Variants in LSP1 observed in about 807,000 individuals in gnomAD.
The protein encoded by LSP1 is lymphocyte-specific protein 1.
In LSP1, 32 loss-of-function variants were observed where a neutral mutation model predicts 49.3. That is an observed-to-expected ratio of 0.65 (90% CI 0.49 to 0.87). The LOEUF (loss-of-function observed/expected upper bound fraction) is 0.87. Among genes scored for constraint, LSP1 ranks in the 40% least tolerant of loss-of-function variants. The probability of loss-of-function intolerance (pLI) is 0.00; values close to 1 mark genes in which losing one functional copy is unlikely to be tolerated. For missense variants in LSP1, 428 were observed against 442.6 expected (o/e 0.97, Z 0.30); for synonymous variants, 179 against 178.8 (o/e 1.00, Z -0.01).
chr11:1,887,575 C>T lies in LSP1; in HGVS notation c.*12C>T, dbSNP rs778169854. On this transcript the variant is annotated splice_region_variant and 3_prime_UTR_variant, in exon 10 of 11. Coordinates refer to ENST00000311604, the MANE Select transcript of LSP1 (RefSeq NM_002339.3). ...GCCCGGCTCCCTAGGCGTCCCATCTCGGTGAGTCCCTGGCAACTCACAGAA... is the reference window on the plus strand; with the variant it reads ...GCCCGGCTCCCTAGGCGTCCCATCTTGGTGAGTCCCTGGCAACTCACAGAA... 2.0e-5 allele frequency: 33 copies of T among 1,612,110 alleles called. No individual in the cohort carries two copies. The highest frequency in any genetic ancestry group is 1.9e-4 in the South Asian group (17 of 91,030).
Position 1,864,179 on chromosome 11 carries a change from G to A in LSP1, c.53+10982G>A, listed in dbSNP as rs1222577708. The A allele has an allele frequency of 2.4e-5, 24 of 986,654 alleles. No homozygotes were observed. In the African/African-American group the frequency reaches 3.0e-4, roughly 12 times the overall value. The allele number at this position is 986,654 out of a possible 1,614,324, so 61.1% of individuals were successfully genotyped here. ...GAGAGAGGGGCTGAGTGCGAGACGG[G>A]GAAGGAGGGGACGGGACAAAGAGGA... On this transcript the variant is annotated intron_variant, in intron 1 of 10. Transcript: ENST00000311604.
chr11:1,863,195 A>G (rs1847687198), intron 1 of LSP1: 1 of 151,974 alleles, frequency 6.6e-6, no homozygotes, highest in Non-Finnish European at 1.5e-5. Context: ...TGTTGCCGCC[A>G]CCCCCGGCGT....
chr11:1,879,767 C>G (rs1848459924), intron 1 of LSP1, among the ~76,000 whole-genome samples: 1 of 152,130 alleles, frequency 6.6e-6, no homozygotes, highest in South Asian at 2.1e-4. Flanking sequence ...GGACAGAGGG[C>G]CTTTTGTCCT....
intron 2 of LSP1, 169 bp from the exon 3 acceptor site, chr11:1,881,263 C>T (rs2133115094): frequency 1.6e-6 from 1 of 620,634 alleles, no homozygotes; most frequent in Non-Finnish European, 2.7e-6. Context: ...CATAGCCCTG[C>T]CCTCAGGTAT....
intron 10 of LSP1, chr11:1,889,336 GGC>G: frequency 1.4e-6 from 1 of 711,210 alleles, no homozygotes; most frequent in Non-Finnish European, 2.6e-6. Flanking sequence ...GGCCCTGCCA[GGC>G]GCCCTTGGGC....
chr11:1,870,675 C>G (rs12416967), intron 1 of LSP1: 181,893 of 1,066,558 alleles, frequency 0.17, 16,623 homozygotes, highest in African/African-American at 0.33. Flanking sequence ...GGCACCACGT[C>G]TGAATAATGT....
intron 1 of LSP1, among the ~76,000 whole-genome samples, chr11:1,862,262 C>A (rs150616975): frequency 8.5e-5 from 13 of 152,244 alleles, no homozygotes; most frequent in African/African-American, 3.1e-4. Context: ...AAATACTCTC[C>A]CATATTGTCC....
rs1168686389 is a variant in LSP1, at chr11:1,887,229, GC to G, written c.853-3del. ...TGCCCTTGTGACATACCCTTCTGCT[GC>G]CCCCAGGATATTGTGGCTGGAGACA... On this transcript the variant is annotated splice_region_variant and splice_polypyrimidine_tract_variant and intron_variant, in intron 8 of 10. Transcript: ENST00000311604. The G allele has an allele frequency of 6.5e-7, 1 of 1,543,070 alleles. No individual in the cohort carries two copies. The highest frequency in any genetic ancestry group is 8.9e-7 in the Non-Finnish European group (1 of 1,129,496).
intron 1 of LSP1, among the ~76,000 whole-genome samples, chr11:1,862,651 C>T (rs557050971): frequency 7.6e-4 from 115 of 152,166 alleles, no homozygotes; most frequent in African/African-American, 2.8e-3. Flanking sequence ...GTGTGATCTT[C>T]CCTACCCCTG....
chr11:1,884,726 C>A lies in LSP1; in HGVS notation c.717+145C>A. The A allele has an allele frequency of 1.5e-6, 1 of 662,552 alleles. No homozygotes were observed. The highest frequency in any genetic ancestry group is 2.7e-6 in the Non-Finnish European group (1 of 376,566). 41.0% of individuals were successfully genotyped at this position (662,552 alleles called of 1,614,324 possible). A position where few individuals can be genotyped will look rare whatever the true frequency, so the allele number is the denominator to read the frequency against. On this transcript the variant is annotated intron_variant, in intron 7 of 10. Transcript: ENST00000311604. The surrounding 1 kb of genome is among the most constrained non-coding windows in gnomAD (Gnocchi z 4.1). ...CAATGCTTCTCCATCCAGTCAGTGCCCCTCTACCCAATCAATGCCCCTCCA... is the reference window on the plus strand; with the variant it reads ...CAATGCTTCTCCATCCAGTCAGTGCACCTCTACCCAATCAATGCCCCTCCA...
chr11:1,881,293 G>A, intron 2 of LSP1, 139 bp from the exon 3 acceptor site: 2 of 835,326 alleles, frequency 2.4e-6, no homozygotes, highest in South Asian at 3.7e-5. Flanking sequence ...AGGAGACACA[G>A]CCCAGAGCCA....
Position 1,876,060 on chromosome 11 carries a change from C to T in LSP1, c.54-4027C>T, listed in dbSNP as rs139727936. Among the ~76,000 whole-genome samples, 673 of 152,348 alleles carry T rather than the reference C, an allele frequency of 4.4e-3. 8 individuals carry two copies. Among genetic ancestry groups the T allele is most frequent in the African/African-American group, 0.015 (630 of 41,592 alleles). ...GGGTGTGGGTGCTGCCAGCTGCCAC[C>T]GCCTTTGCCCTGGCTTCCCAGATAG... is the stretch of plus-strand genomic sequence containing the variant. On this transcript the variant is annotated intron_variant, in intron 1 of 10. Transcript: ENST00000311604.
intron 1 of LSP1, among the ~76,000 whole-genome samples, chr11:1,858,378 C>T (rs1438636446): frequency 1.3e-5 from 2 of 152,230 alleles, no homozygotes; most frequent in Non-Finnish European, 2.9e-5. Flanking sequence ...GGCCCAAGCT[C>T]AGCAAGCACT....
chr11:1,853,560 G>A (rs1467059009), intron 1 of LSP1, among the ~76,000 whole-genome samples: 4 of 152,200 alleles, frequency 2.6e-5, no homozygotes, highest in African/African-American at 9.7e-5. Flanking sequence ...TTGGGAAGAG[G>A]CAAGGTGGGG....
intron 10 of LSP1, chr11:1,889,804 C>G (rs1240925633): frequency 1.1e-5 from 7 of 641,286 alleles, no homozygotes; most frequent in African/African-American, 1.8e-5. Context: ...GCACTAGCCT[C>G]TCTGGGCACT....
chr11:1,873,762 T>G (rs1240440759), intron 1 of LSP1, among the ~76,000 whole-genome samples: 1 of 151,504 alleles, frequency 6.6e-6, no homozygotes, highest in Non-Finnish European at 1.5e-5. Flanking sequence ...GTCTGGTGGT[T>G]GTGGGGCAGG....
chr11:1,880,405 C>T (rs1036723198), intron 2 of LSP1, among the ~76,000 whole-genome samples, 181 bp downstream of exon 2: 2 of 152,038 alleles, frequency 1.3e-5, no homozygotes, highest in African/African-American at 4.8e-5. Context: ...GTGGCCACAG[C>T]CCTAGAGGAG....
At chr11:1,887,698 GC>G in intron 10 of LSP1, 122 bp downstream of exon 10, 1 of 691,532 alleles carries the variant, frequency 1.4e-6, no homozygotes, top group Non-Finnish European at 2.5e-6. Context: ...CTCCGAGTTG[GC>G]CAGAACCCAG....
At chr11:1,875,415 G>T (rs1848267548) in intron 1 of LSP1, among the ~76,000 whole-genome samples, 1 of 152,180 alleles carries the variant, frequency 6.6e-6, no homozygotes, top group Non-Finnish European at 1.5e-5. Flanking sequence ...CTGAGTGAGG[G>T]TCACCCATCC....
Sources: gnomAD v4.1 joint callset for allele counts (sites outside exome capture counted in the v4.1 genomes callset) on GRCh38, gnomAD v4.1.1 for gene constraint, Gnocchi (gnomAD v3.1) non-coding constraint, MANE v1.5 for transcripts, NCBI Gene and HGNC (gene_info 2026-07-23, HGNC 2026-07-21) for gene names.